NALF1: variants seen among roughly 807,000 people sequenced by gnomAD.
NALF1 encodes family with sequence similarity 155 member A.
A neutral mutation model predicts 48.4 loss-of-function variants in NALF1; 3 were observed. That is an observed-to-expected ratio of 0.06 (90% CI 0.03 to 0.16). The LOEUF (loss-of-function observed/expected upper bound fraction) is 0.16. Ranked by LOEUF, NALF1 falls within the 10% of genes least tolerant of loss-of-function variation. The pLI, the probability that NALF1 is intolerant of heterozygous loss-of-function variation, is 1.00. For synonymous variants in NALF1, 262 were observed against 245.7 expected (o/e 1.07, Z -0.62); for missense variants, 526 against 571.5 (o/e 0.92, Z 0.81).
intron 1 of NALF1, among the ~76,000 whole-genome samples, chr13:107,370,191 G>A (rs868796939): frequency 5.9e-5 from 9 of 152,258 alleles, no homozygotes; most frequent in East Asian, 1.9e-4. Context: ...TTTGGGGGAC[G>A]TTAGCTTTCC....
At chr13:107,783,141 GAA>G (rs1877962231) in intron 1 of NALF1, among the ~76,000 whole-genome samples, 1 of 130,608 alleles carries the variant, frequency 7.7e-6, no homozygotes, top group Admixed American at 8.2e-5. Flanking sequence ...CCCCTACTGG[GAA>G]GTGAGGAGCC....
At chr13:107,683,356 T>C (rs1326488451) in intron 1 of NALF1, among the ~76,000 whole-genome samples, 1 of 152,252 alleles carries the variant, frequency 6.6e-6, no homozygotes, top group Admixed American at 6.5e-5. Context: ...ATATCTGATT[T>C]AGTAATCTTT....
At chr13:107,609,513 G>A (rs1419114178) in intron 1 of NALF1, among the ~76,000 whole-genome samples, 2 of 152,192 alleles carry the variant, frequency 1.3e-5, no homozygotes, top group Non-Finnish European at 2.9e-5. Context: ...AGCCTTGTGA[G>A]CCTGGTCTGA....
At chr13:107,507,255 T>C (rs1405199461) in intron 1 of NALF1, among the ~76,000 whole-genome samples, 1 of 152,046 alleles carries the variant, frequency 6.6e-6, no homozygotes, top group Non-Finnish European at 1.5e-5. Flanking sequence ...TGTAGGTAAC[T>C]ACAGGTTTGT....
At chr13:107,541,369 C>G (rs1876994151) in intron 1 of NALF1, among the ~76,000 whole-genome samples, 1 of 152,118 alleles carries the variant, frequency 6.6e-6, no homozygotes, top group Non-Finnish European at 1.5e-5. Flanking sequence ...TACCCCTTCT[C>G]TTCCTTCATT....
At chr13:107,657,440 G>A (rs4592519) in intron 1 of NALF1, among the ~76,000 whole-genome samples, 64,092 of 151,956 alleles carry the variant, frequency 0.42, 14,692 homozygotes, top group East Asian at 0.65. Context: ...ATGTTTGCAC[G>A]GGTGTGTGTC....
chr13:107,819,778 A>C (rs1879309588), intron 1 of NALF1, among the ~76,000 whole-genome samples: 1 of 151,102 alleles, frequency 6.6e-6, no homozygotes, highest in East Asian at 1.9e-4. Flanking sequence ...ACACACACAC[A>C]CAGCACACAC....
At chr13:107,707,609 A>G (rs1202215611) in intron 1 of NALF1, among the ~76,000 whole-genome samples, 1 of 152,222 alleles carries the variant, frequency 6.6e-6, no homozygotes, top group Non-Finnish European at 1.5e-5. Context: ...AGGAATGCAC[A>G]GACCAGTTGT....
At chr13:107,571,204 T>C (rs1015577601) in intron 1 of NALF1, among the ~76,000 whole-genome samples, 3 of 152,180 alleles carry the variant, frequency 2.0e-5, no homozygotes, top group African/African-American at 7.2e-5. Flanking sequence ...CTTTTTTTAA[T>C]TCATAATAAC....
At chr13:107,531,038 C>G (rs1009777534) in intron 1 of NALF1, 1 of 153,236 alleles carries the variant, frequency 6.5e-6, no homozygotes, top group Non-Finnish European at 1.5e-5. Context: ...ATATATACAT[C>G]TGAGATATTT....
intron 2 of NALF1, among the ~76,000 whole-genome samples, chr13:107,200,215 G>T (rs183311191): frequency 1.1e-3 from 173 of 152,298 alleles, no homozygotes; most frequent in Admixed American, 2.0e-3. Context: ...CCCCTTGGGG[G>T]TCAGGGAGGA....
chr13:107,237,609 A>C (rs1348302986), intron 1 of NALF1, among the ~76,000 whole-genome samples: 1 of 152,188 alleles, frequency 6.6e-6, no homozygotes, highest in Non-Finnish European at 1.5e-5. Context: ...ATGTCATTAG[A>C]TGTTACACTA....
intron 1 of NALF1, among the ~76,000 whole-genome samples, chr13:107,345,738 T>G (rs1882759355): frequency 1.3e-5 from 2 of 152,206 alleles, no homozygotes; most frequent in African/African-American, 2.4e-5. Context: ...CAATGATTTA[T>G]TAACTGTAAC....
chr13:107,818,610 C>T (rs978983014), intron 1 of NALF1, among the ~76,000 whole-genome samples: 3 of 112,606 alleles, frequency 2.7e-5, no homozygotes, highest in Non-Finnish European at 5.5e-5. Flanking sequence ...CGGTGGCTCA[C>T]GCCTGTAATC....
chr13:107,281,018 A>G (rs2138872584), intron 1 of NALF1, among the ~76,000 whole-genome samples: 1 of 152,348 alleles, frequency 6.6e-6, no homozygotes, highest in African/African-American at 2.4e-5. Flanking sequence ...ATCTTTTTAT[A>G]TGTCCATAGC....
At chr13:107,725,202 T>A (rs1165417365) in intron 1 of NALF1, among the ~76,000 whole-genome samples, 1 of 152,222 alleles carries the variant, frequency 6.6e-6, no homozygotes, top group African/African-American at 2.4e-5. Context: ...TTCAAATTGC[T>A]TCCTCTGTAT....
intron 1 of NALF1, among the ~76,000 whole-genome samples, chr13:107,702,083 CAG>C (rs1881835635): frequency 6.6e-6 from 1 of 152,090 alleles, no homozygotes; most frequent in African/African-American, 2.4e-5. Context: ...TATACTAAAA[CAG>C]AGAAAGAGTA....
intron 1 of NALF1, among the ~76,000 whole-genome samples, chr13:107,699,790 A>G (rs1024577317): frequency 1.1e-4 from 17 of 152,116 alleles, no homozygotes; most frequent in Admixed American, 1.0e-3. Flanking sequence ...CACACACAAA[A>G]AAACTGTTAG....
chr13:107,523,288 G>A (rs1406647680), intron 1 of NALF1, among the ~76,000 whole-genome samples: 1 of 152,064 alleles, frequency 6.6e-6, no homozygotes, highest in East Asian at 1.9e-4. Flanking sequence ...TTCTCCAGGT[G>A]GCATAGTTTA....
Sources: gnomAD v4.1 joint callset for allele counts (sites outside exome capture counted in the v4.1 genomes callset) on GRCh38, gnomAD v4.1.1 for gene constraint, MANE v1.5 for transcripts, NCBI Gene and HGNC (gene_info 2026-07-23, HGNC 2026-07-21) for gene names.